IL32: variants seen among roughly 807,000 people sequenced by gnomAD.
IL32 encodes the protein interleukin-32.
In IL32, 30 loss-of-function variants were observed where a neutral mutation model predicts 16.6. The observed-to-expected ratio is 1.81, with a 90% CI of 1.35 to 2.45. The LOEUF (loss-of-function observed/expected upper bound fraction) is 2.45, where lower values mean the gene tolerates loss of function less well. Among genes scored for constraint, IL32 ranks in the 30% most tolerant of loss-of-function variants. The probability of loss-of-function intolerance (pLI) is 0.00; values close to 1 mark genes in which losing one functional copy is unlikely to be tolerated. For missense variants in IL32, 234 were observed against 229.8 expected (o/e 1.02, Z -0.12); for synonymous variants, 70 against 86.1 (o/e 0.81, Z 1.03).
rs118176450 is a variant in IL32, at chr16:3,066,623, C to T, written c.16-754C>T. Among the ~76,000 whole-genome samples the T allele has an allele frequency of 3.2e-3, 492 of 152,182 alleles. 25 individuals carry two copies. In the East Asian group the frequency reaches 0.081, roughly 25 times the overall value. ...CTCTGTGGATGCAGCCACGTGTCTG[C>T]AGGCAGGAATGGCCCGGGACCTGTG... On this transcript the variant is annotated intron_variant, in intron 2 of 6. Transcript: ENST00000525643.
Position 3,067,974 on chromosome 16 carries a change from T to C in IL32, c.115-10T>C, listed in dbSNP as rs1956599495. On this transcript the variant is annotated splice_polypyrimidine_tract_variant and intron_variant, in intron 4 of 6. Transcript: ENST00000525643. ...CTTGGGCCTGGAACCGAGTGCTTTGTTCCTAACAGGTGATGTCGAGCCTGG... is the reference window on the plus strand; with the variant it reads ...CTTGGGCCTGGAACCGAGTGCTTTGCTCCTAACAGGTGATGTCGAGCCTGG... 1.9e-6 allele frequency: 3 copies of C among 1,614,120 alleles called. No homozygotes were observed. The highest frequency in any genetic ancestry group is 2.2e-5 in the East Asian group (1 of 44,880).
rs541511099 is a variant in IL32 at position 3,069,188 on chromosome 16, G to A, written c.400G>A (p.Val134Met). ...GGTTCTGGCCTGGGTGAAGGAGAAG[G>A]TGGTGGCCCTGGTCCATGCAGTGCA... ...HGVLAWVKEK[V>M]VALVHAVQAL... The change falls in exon 7 of 7, where the codon GTG (valine) becomes ATG (methionine). Residue 134 changes from valine (V) to methionine (M), a missense_variant. This residue lies in a region of IL32 where 44 missense variants were observed against 103.1 expected (regional missense o/e 0.43). Transcript: ENST00000525643. 1.5e-5 allele frequency: 24 copies of A among 1,614,076 alleles called. No individual in the cohort carries two copies. The Admixed American group carries it at 3.0e-4, about 20-fold the overall frequency.
chr16:3,067,226 C>T, intron 2 of IL32, 151 bp from the exon 3 acceptor site: 2 of 592,278 alleles, frequency 3.4e-6, no homozygotes, highest in Non-Finnish European at 5.9e-6. Flanking sequence ...TGAGGGGCTC[C>T]TGGGACTGCT....
At chr16:3,066,881 G>GGT (rs1567140044) in intron 2 of IL32, among the ~76,000 whole-genome samples, 1 of 151,862 alleles carries the variant, frequency 6.6e-6, no homozygotes, top group Non-Finnish European at 1.5e-5. Flanking sequence ...GTGTACATGG[G>GGT]GGGGTGTGTG....
At position 3,069,005 on chromosome 16, in the gene IL32, C is replaced by A; in HGVS notation, c.217C>A (p.Leu73Ile). Residue 73 changes from leucine (L) to isoleucine (I), a missense_variant, in exon 7 of 7, where the codon CTT (leucine) becomes ATT (isoleucine). Coordinates refer to ENST00000525643, the MANE Select transcript of IL32 (RefSeq NM_001376923.1). ...CATTCCACAGGAGCTCACTCCTCTACTTGAAAAAGAAAGAGATGGATTACG... is the reference window on the plus strand; with the variant it reads ...CATTCCACAGGAGCTCACTCCTCTAATTGAAAAAGAAAGAGATGGATTACG... Reference protein sequence around the residue: ...EEQHPELTPLLEKERDGLRCR... With the variant: ...EEQHPELTPLIEKERDGLRCR... The A allele has an allele frequency of 1.3e-6, 2 of 1,580,052 alleles. No individual in the cohort carries two copies. Among genetic ancestry groups the A allele is most frequent in the Admixed American group, 1.8e-5 (1 of 56,386 alleles).
rs747902151 is a variant in IL32 at position 3,068,028 on chromosome 16, C to T, written c.141+18C>T. The T allele has an allele frequency of 1.9e-6, 3 of 1,613,754 alleles. No individual in the cohort carries two copies. The highest frequency in any genetic ancestry group is 2.2e-5 in the East Asian group (1 of 44,872). On this transcript the variant is annotated intron_variant, in intron 5 of 6. Transcript: ENST00000525643. ...AGCTGGAGGTGAGCCGTGGCCTCCC[C>T]CTCCACCAAGCTTAGTCCCTGGGTC... is the stretch of plus-strand genomic sequence containing the variant.
Position 3,068,212 on chromosome 16 carries a change from G to C in IL32, c.174G>C (p.Val58=), listed in dbSNP as rs760817986. Residue 58 remains valine (V), a synonymous_variant, in exon 6 of 7, where the codon GTG becomes GTC. Coordinates refer to ENST00000525643, the MANE Select transcript of IL32 (RefSeq NM_001376923.1). The part of the protein sequence containing the change: ...DDFKEGYLET[V]AAYYEEQHPE... Reference sequence around the variant, plus strand: ...TCAAAGAGGGCTACCTGGAGACAGTGGCGGCTTATTATGAGGAGCAGCACC... The same window carrying C: ...TCAAAGAGGGCTACCTGGAGACAGTCGCGGCTTATTATGAGGAGCAGCACC... 4 of 1,601,524 alleles carry C rather than the reference G, an allele frequency of 2.5e-6. No individual in the cohort carries two copies. The East Asian group carries it at 6.8e-5, about 27-fold the overall frequency.
rs1956242131 is a variant in IL32, at chr16:3,065,765, A to G, written c.-28-19A>G. On this transcript the variant is annotated intron_variant, in intron 1 of 6. Transcript: ENST00000525643. Reference sequence around the variant, plus strand: ...CTCTGAGACACTTTCTTTTCCTCACACCTGTTCCTCGCCAGCAGGCCTTGG... The same window carrying G: ...CTCTGAGACACTTTCTTTTCCTCACGCCTGTTCCTCGCCAGCAGGCCTTGG... 3.7e-6 allele frequency: 6 copies of G among 1,613,366 alleles called. No homozygotes were observed. The East Asian group carries it at 8.9e-5, about 24-fold the overall frequency.
rs755828145 is a variant in IL32 at position 3,067,135 on chromosome 16, G to A, written c.16-242G>A. ...AGGCCCATGCTGGCCCTGCTCTTGG[G>A]CCTGCCCAGCTGAGCCGGCTCCTGA... On this transcript the variant is annotated intron_variant, in intron 2 of 6. Coordinates refer to ENST00000525643, the MANE Select transcript of IL32 (RefSeq NM_001376923.1). Among the ~76,000 whole-genome samples the A allele has an allele frequency of 1.1e-4, 16 of 151,238 alleles. 2 individuals carry two copies. Among genetic ancestry groups the A allele is most frequent in the Non-Finnish European group, 2.4e-4 (16 of 67,668 alleles).
At chr16:3,065,974 G>A (rs1424401149) in intron 2 of IL32, 148 bp downstream of exon 2, 1 of 960,874 alleles carries the variant, frequency 1.0e-6, no homozygotes, top group African/African-American at 1.6e-5. Flanking sequence ...GGGTGAGAGT[G>A]TCAGTGGAGG....
Position 3,069,314 on chromosome 16 carries a change from C to G in IL32, c.526C>G (p.Leu176Val). ...AGCCCCACGGGGGGACAAGGAGGAG[C>G]TGACACCCCAGAAGTGCTCTGAACC... ...YGAPRGDKEE[L>V]TPQKCSEPQS... The change falls in exon 7 of 7, where the codon CTG becomes GTG. Residue 176 changes from leucine (L) to valine (V), a missense_variant. Physicochemically the swap from Leu to Val is conservative, Grantham distance 32 (BLOSUM62 1). Coordinates refer to ENST00000525643, the MANE Select transcript of IL32 (RefSeq NM_001376923.1). 6.2e-7 allele frequency: 1 copy of G among 1,612,806 alleles called. No homozygotes were observed.
intron 4 of IL32, 83 bp downstream of exon 4, chr16:3,067,696 G>C: frequency 9.1e-7 from 1 of 1,097,478 alleles, no homozygotes; most frequent in Non-Finnish European, 1.4e-6. Context: ...GGGTGAGAAG[G>C]ATGAAGAGGG....
At chr16:3,067,275 G>GTGTGTGTGTGTCTC (rs1555442491) in intron 2 of IL32, 102 bp from the exon 3 acceptor site, 9 of 204,400 alleles carry the variant, frequency 4.4e-5, no homozygotes, top group South Asian at 7.4e-5. Context: ...GTGTCTCTGT[G>GTGTGTGTGTGTCTC]TGTGTGTGTG....
rs746631818 is a variant in IL32, at chr16:3,068,021, G to C, written c.141+11G>C. 18 of 1,613,830 alleles carry C rather than the reference G, an allele frequency of 1.1e-5. No individual in the cohort carries two copies. The highest frequency in any genetic ancestry group is 4.4e-5 in the South Asian group (4 of 91,080). On this transcript the variant is annotated intron_variant, in intron 5 of 6. Transcript: ENST00000525643. ...CTGGCAGAGCTGGAGGTGAGCCGTG[G>C]CCTCCCCCTCCACCAAGCTTAGTCC... is the stretch of plus-strand genomic sequence containing the variant.
chr16:3,066,337 A>G (rs1351051997), intron 2 of IL32, among the ~76,000 whole-genome samples: 1 of 152,216 alleles, frequency 6.6e-6, no homozygotes, highest in Non-Finnish European at 1.5e-5. Flanking sequence ...GGTTCAGGAC[A>G]GTGACCCGGA....
chr16:3,065,671 G>C lies in IL32; in HGVS notation c.-45G>C, dbSNP rs914316463. On this transcript the variant is annotated 5_prime_UTR_variant, in exon 1 of 7. Coordinates refer to ENST00000525643, the MANE Select transcript of IL32 (RefSeq NM_001376923.1). ...CGTGCAGAAGGTGACTGTCTCAGTGGAGCTGGGTCATCTCAGGTGGGGAGT... is the reference window on the plus strand; with the variant it reads ...CGTGCAGAAGGTGACTGTCTCAGTGCAGCTGGGTCATCTCAGGTGGGGAGT... 1.2e-6 allele frequency: 1 copy of C among 837,112 alleles called. No individual in the cohort carries two copies. Among genetic ancestry groups the C allele is most frequent in the African/African-American group, 1.7e-5 (1 of 59,950 alleles). The allele number at this position is 837,112 out of a possible 1,614,324, so 51.9% of individuals were successfully genotyped here.
intron 4 of IL32, 143 bp from the exon 5 acceptor site, chr16:3,067,841 C>G (rs1336026158): frequency 2.0e-5 from 20 of 1,007,658 alleles, no homozygotes; most frequent in South Asian, 1.1e-4. Context: ...GAGGAAACAA[C>G]AGGGGTGCCA....
At chr16:3,068,735 A>G in intron 6 of IL32, 1 of 548,792 alleles carries the variant, frequency 1.8e-6, no homozygotes, top group Non-Finnish European at 3.2e-6. Context: ...ACAGTGGCAC[A>G]GCCCTCAAGG....
At chr16:3,066,320 T>C (rs1019833350) in intron 2 of IL32, among the ~76,000 whole-genome samples, 1 of 152,218 alleles carries the variant, frequency 6.6e-6, no homozygotes, top group Admixed American at 6.5e-5. Context: ...TGATGTGGCC[T>C]GGCTCAGGTT....
Sources: allele counts gnomAD v4.1 joint callset (sites outside exome capture counted in the v4.1 genomes callset), GRCh38; gene constraint gnomAD v4.1.1; regional missense constraint gnomAD v4.1.1; transcripts MANE v1.5; gene names NCBI Gene and HGNC (gene_info 2026-07-23, HGNC 2026-07-21).